The following NTRK2 variants were observed in gnomAD, a reference collection of about 807,000 sequenced individuals.
NTRK2 encodes the protein BDNF/NT-3 growth factors receptor.
NTRK2 carries 13 observed loss-of-function variants against 94.5 expected under a neutral mutation model. The ratio of observed to expected loss-of-function variants is 0.14; its 90% CI spans 0.09 to 0.22. The LOEUF (loss-of-function observed/expected upper bound fraction) is 0.22, where lower values mean the gene tolerates loss of function less well. Among genes scored for constraint, NTRK2 ranks in the 10% least tolerant of loss-of-function variants. NTRK2 has a pLI of 1.00. For synonymous variants in NTRK2, 372 were observed against 407.4 expected (o/e 0.91, Z 1.05); for missense variants, 639 against 1,071.2 (o/e 0.60, Z 5.63).
In NTRK2 at chr9:84,837,647, A is replaced by C. The variant is rs192564731; in HGVS notation, c.1397-23393A>C. ...TAGATAACCTCATATATAACCCACTAATCAAAGAATAATCACATGCTACTA... is the reference window on the plus strand; with the variant it reads ...TAGATAACCTCATATATAACCCACTCATCAAAGAATAATCACATGCTACTA... On this transcript the variant is annotated intron_variant, in intron 12 of 18. Coordinates refer to ENST00000277120, the MANE Select transcript of NTRK2 (RefSeq NM_006180.6). Among the ~76,000 whole-genome samples the C allele has an allele frequency of 1.4e-3, 220 of 152,314 alleles. 1 individual carries two copies. Among genetic ancestry groups the C allele is most frequent in the East Asian group, 5.4e-3 (28 of 5,190 alleles).
chr9:84,726,806 A>G (rs1361966032), intron 8 of NTRK2, among the ~76,000 whole-genome samples: 1 of 152,182 alleles, frequency 6.6e-6, no homozygotes, highest in Non-Finnish European at 1.5e-5. Flanking sequence ...TGATTTTGTA[A>G]TTACCAAAGC....
intron 17 of NTRK2, among the ~76,000 whole-genome samples, chr9:84,983,473 C>A (rs560042724): frequency 2.0e-4 from 31 of 152,294 alleles, no homozygotes; most frequent in African/African-American, 6.7e-4. Context: ...TGTCTTTGAA[C>A]CCTTGGGCTG....
chr9:84,670,385 T>TA lies in NTRK2; in HGVS notation c.-364_-363insA. The TA allele has an allele frequency of 2.5e-6, 1 of 406,326 alleles. No homozygotes were observed. The highest frequency in any genetic ancestry group is 2.0e-5 in the African/African-American group (1 of 48,956). 25.2% of individuals were successfully genotyped at this position (406,326 alleles called of 1,614,324 possible). A position where few individuals can be genotyped will look rare whatever the true frequency, so the allele number is the denominator to read the frequency against. ...TGTCTGTTTGTCCTCAGCCTCGAGGTGCATACCGGACCCCCATTCGCATCT... is the reference window on the plus strand; with the variant it reads ...TGTCTGTTTGTCCTCAGCCTCGAGGTAGCATACCGGACCCCCATTCGCATCT... On this transcript the variant is annotated 5_prime_UTR_variant, in exon 2 of 19. Transcript: ENST00000277120.
At chr9:84,943,203 C>A (rs2078472692) in intron 15 of NTRK2, among the ~76,000 whole-genome samples, 1 of 152,104 alleles carries the variant, frequency 6.6e-6, no homozygotes, top group Non-Finnish European at 1.5e-5. Flanking sequence ...TCTCCTAAAC[C>A]ACCTACACTT....
At chr9:84,752,487 A>G (rs541114184) in intron 12 of NTRK2, among the ~76,000 whole-genome samples, 2 of 152,358 alleles carry the variant, frequency 1.3e-5, no homozygotes, top group African/African-American at 4.8e-5. Context: ...CTTCAGTGGT[A>G]TGCTTTTGGT....
intron 14 of NTRK2, among the ~76,000 whole-genome samples, chr9:84,870,317 T>TGGGG (rs1241541292): frequency 1.8e-3 from 86 of 47,766 alleles, no homozygotes; most frequent in Non-Finnish European, 2.8e-3. Context: ...TACATATATG[T>TGGGG]GGGGTGTGTG....
chr9:84,823,630 C>T (rs2072993757), intron 12 of NTRK2, among the ~76,000 whole-genome samples: 1 of 152,200 alleles, frequency 6.6e-6, no homozygotes, highest in Admixed American at 6.5e-5. Context: ...GATAGGGCTG[C>T]CCCTAGCCCA....
intron 17 of NTRK2, among the ~76,000 whole-genome samples, chr9:85,004,029 G>GA (rs113144934): frequency 1.4e-4 from 3 of 21,448 alleles, no homozygotes; most frequent in South Asian, 1.5e-3. Flanking sequence ...GAGAAAGAAA[G>GA]AAAGAGAGAA....
intron 13 of NTRK2, 51 bp downstream of exon 13, chr9:84,861,138 T>C: frequency 7.2e-7 from 1 of 1,388,926 alleles, no homozygotes; most frequent in Non-Finnish European, 1.0e-6. Context: ...TCTATGTTTT[T>C]ATTCGGATGA....
chr9:84,848,789 T>C (rs1375774885), intron 12 of NTRK2, among the ~76,000 whole-genome samples: 1 of 152,184 alleles, frequency 6.6e-6, no homozygotes, highest in African/African-American at 2.4e-5. Context: ...ATTTGCATAA[T>C]TGGTAAACTC....
chr9:84,943,714 C>G (rs888184437), intron 15 of NTRK2, among the ~76,000 whole-genome samples: 2 of 152,152 alleles, frequency 1.3e-5, no homozygotes, highest in Non-Finnish European at 2.9e-5. Flanking sequence ...CCAAGGGACT[C>G]AGGGAACCAG....
chr9:85,006,001 G>A lies in NTRK2; in HGVS notation c.2173-14205G>A, dbSNP rs983201881. Among the ~76,000 whole-genome samples the A allele has an allele frequency of 3.9e-5, 6 of 152,074 alleles. No homozygotes were observed. The East Asian group carries it at 5.8e-4, about 15-fold the overall frequency. Reference sequence around the variant, plus strand: ...GAGGATATGGAGCTTATTCACATCCGTGACCCCTGTGCCTACGACAATGCC... The same window carrying A: ...GAGGATATGGAGCTTATTCACATCCATGACCCCTGTGCCTACGACAATGCC... On this transcript the variant is annotated intron_variant, in intron 17 of 18. Transcript: ENST00000277120.
intron 14 of NTRK2, among the ~76,000 whole-genome samples, chr9:84,914,016 T>C (rs1463743133): frequency 2.6e-5 from 4 of 152,100 alleles, no homozygotes; most frequent in Admixed American, 2.6e-4. Flanking sequence ...AATTGAGTAA[T>C]TTTTGTTGTT....
intron 12 of NTRK2, among the ~76,000 whole-genome samples, chr9:84,833,835 G>A (rs1395747241): frequency 6.6e-6 from 1 of 152,150 alleles, no homozygotes; most frequent in African/African-American, 2.4e-5. Context: ...TAAAAACCCA[G>A]GCTATATCCC....
chr9:84,772,800 T>C (rs2066684643), intron 12 of NTRK2, among the ~76,000 whole-genome samples: 1 of 152,150 alleles, frequency 6.6e-6, no homozygotes, highest in Non-Finnish European at 1.5e-5. Flanking sequence ...CAGTGTTACT[T>C]ACTGAGGCAT....
intron 12 of NTRK2, among the ~76,000 whole-genome samples, chr9:84,818,232 G>T (rs1490559069): frequency 1.3e-5 from 2 of 152,134 alleles, no homozygotes; most frequent in African/African-American, 4.8e-5. Flanking sequence ...GTTCAAGCAG[G>T]CTGTCTGTAA....
intron 14 of NTRK2, among the ~76,000 whole-genome samples, chr9:84,906,156 T>C (rs1362532439): frequency 1.3e-5 from 2 of 152,096 alleles, no homozygotes; most frequent in African/African-American, 4.8e-5. Context: ...AGAAAATGTA[T>C]AGCTGTAGTG....
At chr9:84,802,311 A>G (rs1186971019) in intron 12 of NTRK2, among the ~76,000 whole-genome samples, 1 of 152,206 alleles carries the variant, frequency 6.6e-6, no homozygotes, top group Non-Finnish European at 1.5e-5. Context: ...TGGTGTGTGT[A>G]TATAGAAATT....
chr9:84,835,672 C>T (rs926491952), intron 12 of NTRK2, among the ~76,000 whole-genome samples: 1 of 152,206 alleles, frequency 6.6e-6, no homozygotes, highest in African/African-American at 2.4e-5. Context: ...CTCTCAAAAT[C>T]ATTGCTGAAG....
Sources: allele counts gnomAD v4.1 joint callset (sites outside exome capture counted in the v4.1 genomes callset), GRCh38; gene constraint gnomAD v4.1.1; transcripts MANE v1.5; gene names NCBI Gene and HGNC (gene_info 2026-07-23, HGNC 2026-07-21).